MPPED2: variants seen among roughly 807,000 people sequenced by gnomAD.
MPPED2 encodes metallophosphoesterase domain containing 2.
A neutral mutation model predicts 33.0 loss-of-function variants in MPPED2; 5 were observed. The observed-to-expected ratio is 0.15, with a 90% CI of 0.08 to 0.32. MPPED2 has a LOEUF of 0.32. MPPED2 is among the 10% of genes least tolerant of loss of function. The probability of loss-of-function intolerance (pLI) is 1.00; values close to 1 mark genes in which losing one functional copy is unlikely to be tolerated. For synonymous variants in MPPED2, 136 were observed against 141.9 expected, an observed-to-expected ratio of 0.96 and a Z score of 0.29; for missense variants, 275 against 372.1, an observed-to-expected ratio of 0.74 and a Z score of 2.15.
chr11:30,508,169 A>G (rs77050826), intron 3 of MPPED2, among the ~76,000 whole-genome samples: 1 of 152,336 alleles, frequency 6.6e-6, no homozygotes, highest in South Asian at 2.1e-4. Flanking sequence ...GGTAATCGGA[A>G]CACAGTTGGA....
intron 4 of MPPED2, among the ~76,000 whole-genome samples, chr11:30,443,576 C>A (rs1590287954): frequency 2.6e-5 from 4 of 151,982 alleles, no homozygotes; most frequent in African/African-American, 9.7e-5. Context: ...ACTAAATAAT[C>A]CAAAAGATGT....
At chr11:30,578,344 A>G (rs1957020372) in intron 2 of MPPED2, among the ~76,000 whole-genome samples, 1 of 152,194 alleles carries the variant, frequency 6.6e-6, no homozygotes, top group South Asian at 2.1e-4. Flanking sequence ...GGTACACTGG[A>G]ACTAGCCTGT....
chr11:30,480,798 C>T (rs575543973), intron 4 of MPPED2, among the ~76,000 whole-genome samples: 47 of 152,192 alleles, frequency 3.1e-4, no homozygotes, highest in African/African-American at 1.0e-3. Flanking sequence ...TTTCCAGTGA[C>T]GCTATCCTTT....
At chr11:30,453,773 G>A (rs936058680) in intron 4 of MPPED2, among the ~76,000 whole-genome samples, 1 of 152,176 alleles carries the variant, frequency 6.6e-6, no homozygotes, top group Non-Finnish European at 1.5e-5. Flanking sequence ...AAGGGCAAAT[G>A]CCCTCCTGCT....
At chr11:30,564,919 T>C (rs1565188767) in intron 2 of MPPED2, among the ~76,000 whole-genome samples, 1 of 152,188 alleles carries the variant, frequency 6.6e-6, no homozygotes, top group Non-Finnish European at 1.5e-5. Context: ...TGGCTGTTCA[T>C]GTAAACAATT....
chr11:30,508,726 T>G (rs376149001), intron 3 of MPPED2, among the ~76,000 whole-genome samples: 56 of 152,274 alleles, frequency 3.7e-4, no homozygotes, highest in African/African-American at 1.3e-3. Context: ...GATTCTCTAT[T>G]ATTGCCCACA....
intron 4 of MPPED2, among the ~76,000 whole-genome samples, chr11:30,453,551 ACTT>A (rs1398627687): frequency 6.6e-6 from 1 of 152,178 alleles, no homozygotes; most frequent in Non-Finnish European, 1.5e-5. Context: ...CTACGTACCT[ACTT>A]CTGGCTGCGT....
At chr11:30,550,941 C>T (rs1025248097) in intron 2 of MPPED2, among the ~76,000 whole-genome samples, 12 of 152,120 alleles carry the variant, frequency 7.9e-5, no homozygotes, top group African/African-American at 2.4e-4. Context: ...ACTACTTTGC[C>T]CCTCTGACCT....
At chr11:30,466,751 AGTGCTTT>A (rs943561217) in intron 4 of MPPED2, among the ~76,000 whole-genome samples, 29 of 152,370 alleles carry the variant, frequency 1.9e-4, no homozygotes, top group African/African-American at 7.0e-4. Context: ...CAACTGAAAC[AGTGCTTT>A]GTGGCCCCAA....
At chr11:30,550,604 C>T (rs372149827) in intron 2 of MPPED2, among the ~76,000 whole-genome samples, 32 of 152,160 alleles carry the variant, frequency 2.1e-4, no homozygotes, top group African/African-American at 7.0e-4. Flanking sequence ...GATGTTTCCA[C>T]GGCTTGCACG....
rs1029163432 is a variant in MPPED2, at chr11:30,505,494, C to T, written c.311-9973G>A. Among the ~76,000 whole-genome samples, 35 of 152,268 alleles carry T rather than the reference C, an allele frequency of 2.3e-4. No homozygotes were observed. The East Asian group carries it at 3.1e-3, about 13-fold the overall frequency. ...CAACTCCAATTATATTCCAGTATTG[C>T]CATCTGGCTGGACAAAAGAATCATA... On this transcript the variant is annotated intron_variant, in intron 3 of 6. Transcript: ENST00000358117.
intron 4 of MPPED2, among the ~76,000 whole-genome samples, chr11:30,487,273 T>C (rs1205653465): frequency 1.3e-5 from 2 of 152,194 alleles, no homozygotes; most frequent in Non-Finnish European, 1.5e-5. Context: ...TGTGGGCCCA[T>C]GGCAGGTCTG....
chr11:30,512,626 A>C (rs554104773), intron 3 of MPPED2, among the ~76,000 whole-genome samples: 56 of 152,294 alleles, frequency 3.7e-4, no homozygotes, highest in Admixed American at 1.2e-3. Flanking sequence ...CAAACCCTTT[A>C]ACGATTATAA....
At chr11:30,481,233 A>G (rs2134121720) in intron 4 of MPPED2, among the ~76,000 whole-genome samples, 1 of 152,228 alleles carries the variant, frequency 6.6e-6, no homozygotes, top group Non-Finnish European at 1.5e-5. Context: ...GTTCCAGTCA[A>G]CTGCACCGTG....
At chr11:30,526,329 G>A (rs1264489297) in intron 3 of MPPED2, among the ~76,000 whole-genome samples, 1 of 151,528 alleles carries the variant, frequency 6.6e-6, no homozygotes, top group South Asian at 2.1e-4. Context: ...GATGAGAAAG[G>A]GGAAAGAAAA....
rs199611856 is a variant in MPPED2 at position 30,583,134 on chromosome 11, C to CTTTTTTTTTTTTTTTTTTTTT, written c.-121-2661_-121-2641dup. On this transcript the variant is annotated intron_variant, in intron 1 of 6. Coordinates refer to ENST00000358117, the MANE Select transcript of MPPED2 (RefSeq NM_001584.3). ...CACAAACACCTGGAAAAGACTTTTTCTTTTTTTTTTTTTTTTTTTTTTTTT... is the reference window on the plus strand; with the variant it reads ...CACAAACACCTGGAAAAGACTTTTTCTTTTTTTTTTTTTTTTTTTTTTTTTTTTTTTTTTTTTTTTTTTTTT... Among the ~76,000 whole-genome samples the CTTTTTTTTTTTTTTTTTTTTT allele has an allele frequency of 4.6e-4, 44 of 96,672 alleles. 7 individuals carry two copies. Among genetic ancestry groups the CTTTTTTTTTTTTTTTTTTTTT allele is most frequent in the African/African-American group, 1.7e-3 (35 of 20,684 alleles). 63.4% of individuals were successfully genotyped at this position (96,672 alleles called of 152,430 possible).
At chr11:30,550,274 A>C (rs546372594) in intron 2 of MPPED2, among the ~76,000 whole-genome samples, 3 of 152,304 alleles carry the variant, frequency 2.0e-5, no homozygotes, top group Admixed American at 6.5e-5. Context: ...CAAAGAAATC[A>C]TTGTGTCTTT....
chr11:30,577,902 T>C (rs568033387), intron 2 of MPPED2, among the ~76,000 whole-genome samples: 1 of 152,344 alleles, frequency 6.6e-6, no homozygotes, highest in South Asian at 2.1e-4. Flanking sequence ...AATTGACCAG[T>C]GTTTTTGAGC....
At chr11:30,549,624 T>A (rs754070787) in intron 2 of MPPED2, among the ~76,000 whole-genome samples, 1 of 152,060 alleles carries the variant, frequency 6.6e-6, no homozygotes, top group Non-Finnish European at 1.5e-5. Context: ...AACTTTCAAT[T>A]TTGGGCAGGA....
Sources: allele counts gnomAD v4.1 joint callset (sites outside exome capture counted in the v4.1 genomes callset), GRCh38; gene constraint gnomAD v4.1.1; transcripts MANE v1.5; gene names NCBI Gene and HGNC (gene_info 2026-07-23, HGNC 2026-07-21).